MSH6: variants seen among roughly 807,000 people sequenced by gnomAD.
MSH6 encodes the protein DNA mismatch repair protein Msh6.
A neutral mutation model predicts 119.1 loss-of-function variants in MSH6; 85 were observed. The observed-to-expected ratio is 0.71, with a 90% CI of 0.60 to 0.85. The LOEUF is 0.85. MSH6 is among the 40% of genes least tolerant of loss of function. The pLI, the probability that MSH6 is intolerant of heterozygous loss-of-function variation, is 0.00. For synonymous variants in MSH6, 830 were observed against 586.9 expected (o/e 1.41, Z -5.99); for missense variants, 2,163 against 1,655.3 (o/e 1.31, Z -5.32).
At position 47,800,039 on chromosome 2, in the gene MSH6, G is replaced by T. The variant is rs1060502934; in HGVS notation, c.2056G>T (p.Gly686Cys). 2 of 1,613,968 alleles carry T rather than the reference G, an allele frequency of 1.2e-6. No individual in the cohort carries two copies. Among genetic ancestry groups the T allele is most frequent in the East Asian group, 2.2e-5 (1 of 44,882 alleles). The change falls in exon 4 of 10, where the codon GGT becomes TGT. Residue 686 changes from glycine to cysteine, a missense_variant. Coordinates refer to ENST00000234420, the MANE Select transcript of MSH6 (RefSeq NM_000179.3). ...TGAATTGGCCCTCTCTGCTCTAGGT[G>T]GTTGTGTCTTCTACCTCAAAAAATG... is the stretch of plus-strand genomic sequence containing the variant. ...KSELALSALG[G>C]CVFYLKKCLI...
chr2:47,788,906 C>CTTTTTTTTTTTTTTTTTTTTTTTTTTTT lies in MSH6; in HGVS notation c.261-2021_261-2020insTTTTTTTTTTTTTTTTTTTTTTTTTTTT, dbSNP rs1491155839. On this transcript the variant is annotated intron_variant, in intron 1 of 9. Transcript: ENST00000234420. ...GCTATTTCTTTCTTTCTTTCTTCTT[C>CTTTTTTTTTTTTTTTTTTTTTTTTTTTT]CTTTTTTTTTTTTTTGTTTTTTTTT... is the stretch of plus-strand genomic sequence containing the variant. Among the ~76,000 whole-genome samples, 9 of 15,830 alleles carry CTTTTTTTTTTTTTTTTTTTTTTTTTTTT rather than the reference C, an allele frequency of 5.7e-4. 2 individuals are homozygous for CTTTTTTTTTTTTTTTTTTTTTTTTTTTT. The highest frequency in any genetic ancestry group is 7.8e-4 in the Non-Finnish European group (8 of 10,230). 10.4% of individuals were successfully genotyped at this position (15,830 alleles called of 152,430 possible). A position where few individuals can be genotyped will look rare whatever the true frequency, so the allele number is the denominator to read the frequency against.
chr2:47,792,657 C>T (rs1053059746), intron 2 of MSH6, among the ~76,000 whole-genome samples: 13 of 151,980 alleles, frequency 8.6e-5, no homozygotes, highest in East Asian at 1.9e-4. Flanking sequence ...CCCCTGGGCT[C>T]GGCCAACTTT....
At position 47,783,173 on chromosome 2, in the gene MSH6, T is replaced by C. The variant is rs1479863490; in HGVS notation, c.-61T>C. The C allele has an allele frequency of 6.3e-7, 1 of 1,598,590 alleles. No homozygotes were observed. ...TTTCCCGCCAGCAGGAGCCGCGCGG[T>C]AGATGCGGTGCTTTTAGGAGCTCCG... On this transcript the variant is annotated 5_prime_UTR_variant, in exon 1 of 10. Coordinates refer to ENST00000234420, the MANE Select transcript of MSH6 (RefSeq NM_000179.3).
intron 5 of MSH6, among the ~76,000 whole-genome samples, chr2:47,804,651 C>T (rs1430259008): frequency 1.3e-5 from 2 of 151,980 alleles, no homozygotes; most frequent in African/African-American, 2.4e-5. Flanking sequence ...TTCTGGCCAG[C>T]GTTGAGAATC....
chr2:47,806,434 A>ATAT lies in MSH6; in HGVS notation c.3802-16_3802-14dup. 1 of 1,614,004 alleles carries ATAT rather than the reference A, an allele frequency of 6.2e-7. No homozygotes were observed. Among genetic ancestry groups the ATAT allele is most frequent in the South Asian group, 1.1e-5 (1 of 91,084 alleles). On this transcript the variant is annotated splice_polypyrimidine_tract_variant and intron_variant, in intron 8 of 9. Coordinates refer to ENST00000234420, the MANE Select transcript of MSH6 (RefSeq NM_000179.3). Reference sequence around the variant, plus strand: ...TCTCTTGCTAGCACATGTATCGCTAATATTTTTCTTTCTTAAGGCATGCAT... The same window carrying ATAT: ...TCTCTTGCTAGCACATGTATCGCTAATATTATTTTTCTTTCTTAAGGCATGCAT...
chr2:47,808,966 G>T, downstream of MSH6: 1 of 457,406 alleles, frequency 2.2e-6, no homozygotes, highest in Non-Finnish European at 3.9e-6. Flanking sequence ...CAAAGTGCTA[G>T]GATTACAGGC....
At chr2:47,801,360 A>ATTT (rs1220786181) in intron 4 of MSH6, 457 of 58,026 alleles carry the variant, frequency 7.9e-3, no homozygotes, top group Middle Eastern at 0.018. Flanking sequence ...GCCTTTCTTC[A>ATTT]GTTTTTTTTT....
chr2:47,802,975 G>A (rs759973405), intron 4 of MSH6, among the ~76,000 whole-genome samples: 7 of 151,982 alleles, frequency 4.6e-5, no homozygotes, highest in African/African-American at 7.3e-5. Flanking sequence ...GCATTGGTGC[G>A]ATCTTGGCTC....
chr2:47,808,256 A>C (rs767671883), downstream of MSH6: 2 of 1,612,760 alleles, frequency 1.2e-6, no homozygotes, highest in Admixed American at 1.7e-5. Flanking sequence ...ACCTAAAGCA[A>C]AATGAAACCC....
chr2:47,808,957 A>G (rs990279381), downstream of MSH6: 5 of 428,542 alleles, frequency 1.2e-5, no homozygotes, highest in Non-Finnish European at 2.1e-5. Flanking sequence ...TCAGCCTCCC[A>G]AAGTGCTAGG....
rs63751017 is a variant in MSH6 at position 47,800,714 on chromosome 2, C to A, written c.2731C>A (p.Arg911=). ...RFPDLTVELN[R]WDTAFDHEKA... is the part of the protein sequence containing the mutation. ...TCCTGATTTGACTGTAGAATTGAAC[C>A]GATGGGATACAGCCTTTGACCATGA... Residue 911 remains arginine (R), a synonymous_variant, in exon 4 of 10, where the codon CGA becomes AGA. Transcript: ENST00000234420. 6.2e-7 allele frequency: 1 copy of A among 1,614,042 alleles called. No individual in the cohort carries two copies. The highest frequency in any genetic ancestry group is 8.5e-7 in the Non-Finnish European group (1 of 1,179,996).
At chr2:47,786,624 G>C (rs1668368134) in intron 1 of MSH6, among the ~76,000 whole-genome samples, 1 of 151,944 alleles carries the variant, frequency 6.6e-6, no homozygotes, top group Admixed American at 6.6e-5. Context: ...GTGAACCACC[G>C]CACCTGGCCG....
At chr2:47,804,257 T>G (rs1341547838) in intron 5 of MSH6, among the ~76,000 whole-genome samples, 1 of 152,170 alleles carries the variant, frequency 6.6e-6, no homozygotes, top group Non-Finnish European at 1.5e-5. Flanking sequence ...ACTACAGATG[T>G]ACACCATCAT....
intron 4 of MSH6, among the ~76,000 whole-genome samples, chr2:47,801,685 A>C (rs1389342593): frequency 6.6e-6 from 1 of 151,830 alleles, no homozygotes; most frequent in Non-Finnish European, 1.5e-5. Context: ...TCAGTCTTTA[A>C]TAATCGAACA....
At chr2:47,809,461 A>C, downstream of MSH6, 1 of 723,622 alleles carries the variant, frequency 1.4e-6, no homozygotes, top group Non-Finnish European at 2.2e-6. Context: ...TTTAGAACCA[A>C]AGCTCTGTTT....
intron 3 of MSH6, among the ~76,000 whole-genome samples, chr2:47,798,333 C>G (rs897890555): frequency 6.6e-6 from 1 of 152,158 alleles, no homozygotes; most frequent in Non-Finnish European, 1.5e-5. Context: ...TACACCTACC[C>G]CACCGAATAT....
intron 2 of MSH6, among the ~76,000 whole-genome samples, chr2:47,795,043 T>A (rs1481804847): frequency 1.3e-5 from 2 of 152,156 alleles, no homozygotes; most frequent in Non-Finnish European, 2.9e-5. Flanking sequence ...TCTGCCTGCT[T>A]CTGCCTCCCA....
Position 47,783,372 on chromosome 2 carries a change from G to T in MSH6, c.139G>T (p.Asp47Tyr). 1 of 1,600,204 alleles carries T rather than the reference G, an allele frequency of 6.2e-7. No homozygotes were observed. Among genetic ancestry groups the T allele is most frequent in the Non-Finnish European group, 8.5e-7 (1 of 1,173,488 alleles). Residue 47 changes from aspartate to tyrosine, a missense_variant, in exon 1 of 10, where the codon GAT becomes TAT. Asp to Tyr is a radical substitution (Grantham distance 160). Coordinates refer to ENST00000234420, the MANE Select transcript of MSH6 (RefSeq NM_000179.3). ...CGGGGCCTCTCCTTCCCCAGGCGGG[G>T]ATGCGGCCTGGAGCGAGGCTGGGCC... ...APGASPSPGG[D>Y]AAWSEAGPGP...
chr2:47,792,174 A>G (rs1188704515), intron 2 of MSH6, among the ~76,000 whole-genome samples: 1 of 152,134 alleles, frequency 6.6e-6, no homozygotes, highest in African/African-American at 2.4e-5. Flanking sequence ...TTTTTAGTAG[A>G]GACGGGGTTT....
Sources: allele counts gnomAD v4.1 joint callset (sites outside exome capture counted in the v4.1 genomes callset), GRCh38; gene constraint gnomAD v4.1.1; transcripts MANE v1.5; gene names NCBI Gene and HGNC (gene_info 2026-07-23, HGNC 2026-07-21).